PDZD7: variants seen among roughly 807,000 people sequenced by gnomAD.
PDZD7 encodes PDZ domain-containing protein 7.
In PDZD7, 72 loss-of-function variants were observed where a neutral mutation model predicts 84.7. The ratio of observed to expected loss-of-function variants is 0.85; its 90% CI spans 0.70 to 1.03. The LOEUF (loss-of-function observed/expected upper bound fraction) is 1.03, where lower values mean the gene tolerates loss of function less well. Ranked by LOEUF, PDZD7 falls within the 50% of genes least tolerant of loss-of-function variation. PDZD7 has a pLI of 0.00. For missense variants in PDZD7, 1,490 were observed against 1,412.9 expected (o/e 1.05, Z -0.87); for synonymous variants, 594 against 580.7 (o/e 1.02, Z -0.33).
chr10:101,011,712 ACGCTTGGGTGG>A lies in PDZD7; in HGVS notation c.1972_1982del (p.Pro658SerfsTer8). The A allele has an allele frequency of 6.5e-7, 1 of 1,541,602 alleles. No individual in the cohort carries two copies. Among genetic ancestry groups the A allele is most frequent in the Non-Finnish European group, 8.7e-7 (1 of 1,146,804 alleles). On this transcript the variant is annotated frameshift_variant, in exon 14 of 17. Coordinates refer to ENST00000619208, the MANE Select transcript of PDZD7 (RefSeq NM_001195263.2). LOFTEE classifies it high-confidence loss of function. The stretch of plus-strand genomic sequence containing the variant: ...GACCAGGCACGGGGGTGATAAGGTG[ACGCTTGGGTGG>A]CGTGTCCTGCCGGGCTGGTCTCAAA...
chr10:101,022,535 G>C lies in PDZD7; in HGVS notation c.543-150C>G, dbSNP rs929690469. On this transcript the variant is annotated intron_variant, in intron 4 of 16. Transcript: ENST00000619208. ...CCTGCAGTGGGGCATAGGTTCATTAGCTGGGAAACCAGCCTAATTGCCTCT... is the reference window on the plus strand; with the variant it reads ...CCTGCAGTGGGGCATAGGTTCATTACCTGGGAAACCAGCCTAATTGCCTCT... The C allele has an allele frequency of 8.5e-6, 7 of 824,696 alleles. 1 individual carries two copies. The highest frequency in any genetic ancestry group is 3.5e-4 in the Middle Eastern group (1 of 2,828). 51.1% of individuals were successfully genotyped at this position (824,696 alleles called of 1,614,324 possible). A position where few individuals can be genotyped will look rare whatever the true frequency, so the allele number is the denominator to read the frequency against.
In PDZD7 at chr10:101,008,681, G is replaced by C; in HGVS notation, c.2888C>G (p.Ala963Gly). 3.3e-6 allele frequency: 5 copies of C among 1,536,022 alleles called. No homozygotes were observed. The highest frequency in any genetic ancestry group is 1.2e-5 in the South Asian group (1 of 84,062). Residue 963 changes from alanine (A) to glycine (G), a missense_variant, in exon 17 of 17, where the codon GCC (alanine) becomes GGC (glycine). Ala to Gly is a moderately conservative substitution (Grantham distance 60). Coordinates refer to ENST00000619208, the MANE Select transcript of PDZD7 (RefSeq NM_001195263.2). ...AGCAGGAAGGCCCCCATCAGTAAGG[G>C]CTGATGAGTCAGAGGGTGAGGGCCG... is the stretch of plus-strand genomic sequence containing the variant. ...SPRPSPSDSS[A>G]LTDGGLPADH...
Position 101,010,537 on chromosome 10 carries a change from G to C in PDZD7, c.2352C>G (p.Ser784Arg), listed in dbSNP as rs1852358483. The change falls in exon 15 of 17, where the codon AGC becomes AGG. Residue 784 changes from serine to arginine, a missense_variant. Ser to Arg is a moderately radical substitution (Grantham distance 110, BLOSUM62 -1). Coordinates refer to ENST00000619208, the MANE Select transcript of PDZD7 (RefSeq NM_001195263.2). ...CTGGAGACTTGCCTTGACCCCGGCT[G>C]CTGCGGCTGCGGCTGCGGCTACGGC... is the stretch of plus-strand genomic sequence containing the variant. ...SRSRSRSRSR[S>R]SRGQGKSPGR... 1 of 1,435,036 alleles carries C rather than the reference G, an allele frequency of 7.0e-7. No homozygotes were observed. 88.9% of individuals were successfully genotyped at this position (1,435,036 alleles called of 1,614,324 possible). A position where few individuals can be genotyped will look rare whatever the true frequency, so the allele number is the denominator to read the frequency against.
chr10:101,012,015 T>G lies in PDZD7; in HGVS notation c.1843A>C (p.Ser615Arg), dbSNP rs1852410212. 2 of 1,549,758 alleles carry G rather than the reference T, an allele frequency of 1.3e-6. No homozygotes were observed. Among genetic ancestry groups the G allele is most frequent in the Non-Finnish European group, 1.7e-6 (2 of 1,146,548 alleles). The change falls in exon 13 of 17, where the codon AGT becomes CGT. Residue 615 changes from serine (S) to arginine (R), a missense_variant and splice_region_variant. By Grantham distance (110) the Ser-to-Arg change is moderately radical. Coordinates refer to ENST00000619208, the MANE Select transcript of PDZD7 (RefSeq NM_001195263.2). ...CCCAGGTCTGTGGGGGCCACCACACTCCTGGGAGAGGGCGAGAGACAGCAG... is the reference window on the plus strand; with the variant it reads ...CCCAGGTCTGTGGGGGCCACCACACGCCTGGGAGAGGGCGAGAGACAGCAG... ...EKLLLLQDIR[S>R]VVAPTDLGRF...
chr10:101,010,987 C>A (rs1852376494), intron 14 of PDZD7, 104 bp from the exon 15 acceptor site: 3 of 1,523,346 alleles, frequency 2.0e-6, no homozygotes, highest in African/African-American at 2.8e-5. Context: ...CGAGTTTGTT[C>A]AGGCACCACT....
At position 101,015,191 on chromosome 10, in the gene PDZD7, A is replaced by G. The variant is rs557627074; in HGVS notation, c.1749+445T>C. Among the ~76,000 whole-genome samples, 418 of 152,306 alleles carry G rather than the reference A, an allele frequency of 2.7e-3. 2 individuals are homozygous for G. The highest frequency in any genetic ancestry group is 5.1e-3 in the Non-Finnish European group (345 of 68,012). ...AGCCAGGCTTACTGGCTGACCTAGG[A>G]GCAGAGGGTGGCATGCAGTGAAGGA... On this transcript the variant is annotated intron_variant, in intron 11 of 16. Transcript: ENST00000619208.
chr10:101,018,351 C>CGAGGGGCAGGGGTGTGGG lies in PDZD7; in HGVS notation c.1325-73_1325-56dup. On this transcript the variant is annotated intron_variant, in intron 8 of 16. Coordinates refer to ENST00000619208, the MANE Select transcript of PDZD7 (RefSeq NM_001195263.2). ...TGGAGGGGTGGGCAGAAGGGAAGGA[C>CGAGGGGCAGGGGTGTGGG]GAGGGGCAGGGGTGTGGGGAGGGAC... is the stretch of plus-strand genomic sequence containing the variant. 3 of 1,568,624 alleles carry CGAGGGGCAGGGGTGTGGG rather than the reference C, an allele frequency of 1.9e-6. No homozygotes were observed. In the South Asian group the frequency reaches 3.3e-5, roughly 17 times the overall value.
At chr10:101,014,518 G>C (rs1852522575) in intron 11 of PDZD7, among the ~76,000 whole-genome samples, 1 of 152,128 alleles carries the variant, frequency 6.6e-6, no homozygotes, top group South Asian at 2.1e-4. Context: ...GCCCTACTTA[G>C]CGCTGGGAGC....
In PDZD7 at chr10:101,023,486, C is replaced by T. The variant is rs1045131636; in HGVS notation, c.492G>A (p.Arg164=). 3.1e-6 allele frequency: 5 copies of T among 1,614,124 alleles called. No homozygotes were observed. The highest frequency in any genetic ancestry group is 4.2e-6 in the Non-Finnish European group (5 of 1,180,018). The change falls in exon 4 of 17, where the codon CGG becomes CGA. Residue 164 remains arginine, a synonymous_variant. Transcript: ENST00000619208. ...TSSSRLHMMV[R]RMGRVPGIKF... is the part of the protein sequence containing the mutation. ...TGATGCCCGGCACACGGCCCATGCG[C>T]CGAACCATCATGTGCAGGCGGCTGC...
chr10:101,020,792 A>C (rs1853047444), intron 6 of PDZD7, 114 bp from the exon 7 acceptor site: 2 of 786,826 alleles, frequency 2.5e-6, no homozygotes. Context: ...TCTGTCCTCC[A>C]AATTCATCAT....
Position 101,021,421 on chromosome 10 carries a change from C to T in PDZD7, c.867+377G>A, listed in dbSNP as rs564542763. 3.3e-5 allele frequency among the ~76,000 whole-genome samples: 5 copies of T among 152,294 alleles called. No individual in the cohort carries two copies. In the South Asian group the frequency reaches 1.0e-3, roughly 32 times the overall value. On this transcript the variant is annotated intron_variant, in intron 6 of 16. Transcript: ENST00000619208. ...TCTGGCCCCAGCCCAGCCCTCCTAGCTGTATGCCCTGGGGATGCCCATCAC... is the reference window on the plus strand; with the variant it reads ...TCTGGCCCCAGCCCAGCCCTCCTAGTTGTATGCCCTGGGGATGCCCATCAC...
At chr10:101,016,292 A>G in intron 10 of PDZD7, 85 bp downstream of exon 10, 1 of 1,396,458 alleles carries the variant, frequency 7.2e-7, no homozygotes, top group East Asian at 2.5e-5. Context: ...AATTTAGTCC[A>G]GAGCCACTCA....
At chr10:101,009,727 C>G (rs1852332587) in intron 15 of PDZD7, among the ~76,000 whole-genome samples, 1 of 151,810 alleles carries the variant, frequency 6.6e-6, no homozygotes, top group Non-Finnish European at 1.5e-5. Context: ...CCTGCCTCAC[C>G]CTCCCTAGTA....
Position 101,007,715 on chromosome 10 carries a change from C to A in PDZD7, c.*752G>T. ...TGTCTTGTTTATTTGTGTTTGTGAC[C>A]AAGCAGCCTCTCCCTTCACCCAGGT... On this transcript the variant is annotated 3_prime_UTR_variant, in exon 17 of 17. Transcript: ENST00000619208. 1.0e-6 allele frequency: 1 copy of A among 961,492 alleles called. No homozygotes were observed. The highest frequency in any genetic ancestry group is 1.3e-6 in the Non-Finnish European group (1 of 788,258). 59.6% of individuals were successfully genotyped at this position (961,492 alleles called of 1,614,324 possible). A position where few individuals can be genotyped will look rare whatever the true frequency, so the allele number is the denominator to read the frequency against.
Position 101,030,160 on chromosome 10 carries a change from G to C in PDZD7, c.60C>G (p.Gly20=), listed in dbSNP as rs968096580. Residue 20 remains glycine (G), a synonymous_variant, in exon 2 of 17, where the codon GGC becomes GGG. Coordinates refer to ENST00000619208, the MANE Select transcript of PDZD7 (RefSeq NM_001195263.2). ...CTCGGGAGGAGAGGGAGCTCAGAGA[G>C]CCGGAGCTCAGGTCTCCTAGGCCCA... ...DPLGLGDLSS[G]SLSSLSSRGH... is the part of the protein sequence containing the mutation. The C allele has an allele frequency of 1.2e-6, 2 of 1,614,012 alleles. No homozygotes were observed. Among genetic ancestry groups the C allele is most frequent in the Non-Finnish European group, 1.7e-6 (2 of 1,179,980 alleles).
At chr10:101,017,454 T>C (rs1005648291) in intron 9 of PDZD7, 7 of 537,398 alleles carry the variant, frequency 1.3e-5, no homozygotes, top group Middle Eastern at 3.3e-4. Flanking sequence ...CTTAAACTCC[T>C]GGGCTCAAGT....
At chr10:101,011,038 C>G (rs1170310061) in intron 14 of PDZD7, 155 bp from the exon 15 acceptor site, 4 of 1,414,862 alleles carry the variant, frequency 2.8e-6, no homozygotes, top group Non-Finnish European at 3.7e-6. Flanking sequence ...CAGACATGTT[C>G]TATTAGAATC....
intron 9 of PDZD7, chr10:101,017,874 A>G (rs1317584553): frequency 8.0e-6 from 3 of 377,134 alleles, no homozygotes; most frequent in Admixed American, 1.1e-4. Context: ...AAAGAAAGAA[A>G]GAAAGAAAGA....
chr10:101,020,501 A>G, intron 7 of PDZD7, 117 bp downstream of exon 7: 2 of 972,056 alleles, frequency 2.1e-6, no homozygotes, highest in South Asian at 1.4e-5. Context: ...GCCTCCCAAA[A>G]TGCTGGGATT....
Sources: gnomAD v4.1 joint callset for allele counts (sites outside exome capture counted in the v4.1 genomes callset) on GRCh38, gnomAD v4.1.1 for gene constraint, MANE v1.5 for transcripts, NCBI Gene and HGNC (gene_info 2026-07-23, HGNC 2026-07-21) for gene names.